HSH2D: variants seen among roughly 807,000 people sequenced by gnomAD.
The protein encoded by HSH2D is hematopoietic SH2 domain containing, also known as hematopoietic SH2 domain-containing protein.
A neutral mutation model predicts 21.5 loss-of-function variants in HSH2D; 16 were observed. The ratio of observed to expected loss-of-function variants is 0.74; its 90% CI spans 0.50 to 1.13. HSH2D has a LOEUF of 1.13. Ranked by LOEUF, HSH2D falls within the 50% of genes most tolerant of loss-of-function variation. HSH2D has a pLI of 0.00. For synonymous variants in HSH2D, 172 were observed against 184.7 expected (o/e 0.93, Z 0.56); for missense variants, 418 against 441.4 (o/e 0.95, Z 0.47).
exon 1 of HSH2D, chr19:16,134,062 C>T (rs1265397496): frequency 6.6e-6 from 1 of 152,348 alleles, no homozygotes; most frequent in Non-Finnish European, 1.5e-5. Flanking sequence ...TCCAGTCATT[C>T]CCTAGGACTT....
Position 16,157,118 on chromosome 19 carries a change from G to A in HSH2D, c.475-92G>A. The A allele has an allele frequency of 1.9e-6, 2 of 1,039,958 alleles. No individual in the cohort carries two copies. The highest frequency in any genetic ancestry group is 1.4e-6 in the Non-Finnish European group (1 of 725,768). 64.4% of individuals were successfully genotyped at this position (1,039,958 alleles called of 1,614,324 possible). ...CACGGGGACGTTTCTCAGCCACAGG[G>A]TGTCTGGGTGGAACCCAGGCTCCAA... On this transcript the variant is annotated intron_variant, in intron 5 of 5. Coordinates refer to ENST00000613986, the MANE Select transcript of HSH2D (RefSeq NM_001382417.1). The surrounding 1 kb of genome is among the most constrained non-coding windows in gnomAD (Gnocchi z 4.4).
intron 2 of HSH2D, 88 bp from the exon 3 acceptor site, chr19:16,152,464 T>C: frequency 1.5e-6 from 1 of 666,890 alleles, no homozygotes; most frequent in Non-Finnish European, 2.3e-6. Context: ...ACCAGCCTTC[T>C]CCATGAATGA....
chr19:16,141,758 T>G (rs926188758), upstream of HSH2D, among the ~76,000 whole-genome samples: 4 of 151,622 alleles, frequency 2.6e-5, no homozygotes, highest in Non-Finnish European at 5.9e-5. Context: ...ACCTTGTCTC[T>G]ACTAAAAATA....
intron 1 of HSH2D, among the ~76,000 whole-genome samples, chr19:16,144,778 T>C (rs899269370): frequency 4.2e-5 from 6 of 143,640 alleles, no homozygotes; most frequent in Non-Finnish European, 6.0e-5. Flanking sequence ...CTGCAAGCTC[T>C]GCCTCCCGAG....
chr19:16,154,340 T>A lies in HSH2D; in HGVS notation c.382-59T>A, dbSNP rs1365446844. ...GGTCCCTGAGACCTGCCTTCCAGGG[T>A]CCGTGCAGGACCTTTCCCCCTCCCT... On this transcript the variant is annotated intron_variant, in intron 4 of 5. Coordinates refer to ENST00000613986, the MANE Select transcript of HSH2D (RefSeq NM_001382417.1). The A allele has an allele frequency of 6.9e-6, 8 of 1,157,732 alleles. No homozygotes were observed. The Admixed American group carries it at 1.9e-4, about 27-fold the overall frequency. The allele number at this position is 1,157,732 out of a possible 1,614,324, so 71.7% of individuals were successfully genotyped here.
chr19:16,135,420 C>A (rs1466740580), intron 1 of HSH2D, among the ~76,000 whole-genome samples: 1 of 151,898 alleles, frequency 6.6e-6, no homozygotes, highest in Non-Finnish European at 1.5e-5. Flanking sequence ...CAGAGCAAGA[C>A]CCTTTCTCAA....
intron 5 of HSH2D, 88 bp downstream of exon 5, chr19:16,154,579 T>A: frequency 1.4e-6 from 1 of 740,070 alleles, no homozygotes; most frequent in Non-Finnish European, 2.2e-6. Flanking sequence ...AGGCTCCTTC[T>A]AGAATGAGAA....
chr19:16,156,448 C>A (rs1386707307), intron 5 of HSH2D, among the ~76,000 whole-genome samples: 2 of 152,014 alleles, frequency 1.3e-5, no homozygotes, highest in African/African-American at 2.4e-5. Context: ...CCTTCCAAAG[C>A]ACTGGGATTA....
rs953231743 is a variant in HSH2D at position 16,157,914 on chromosome 19, A to G, written c.*120A>G. The stretch of plus-strand genomic sequence containing the variant: ...CCGGGGGTCTTCGGGAACCCGGGAA[A>G]TGGAATAAAGATGTTTTTGGGGTCT... On this transcript the variant is annotated 3_prime_UTR_variant, in exon 6 of 6. Transcript: ENST00000613986. The surrounding 1 kb of genome is among the most constrained non-coding windows in gnomAD (Gnocchi z 4.4). 9 of 713,828 alleles carry G rather than the reference A, an allele frequency of 1.3e-5. No individual in the cohort carries two copies. The Admixed American group carries it at 2.6e-4, about 21-fold the overall frequency. 44.2% of individuals were successfully genotyped at this position (713,828 alleles called of 1,614,324 possible).
Position 16,148,842 on chromosome 19 carries a change from T to C in HSH2D, c.92T>C (p.Val31Ala), listed in dbSNP as rs754366493. ...TQMGQLAQDGVPEWFHGAISR... is the reference protein window; with the variant it reads ...TQMGQLAQDGAPEWFHGAISR... ...ATGGGCCAGCTGGCCCAAGACGGGG[T>C]CCCCGAGTGGTTCCATGGTGCAATC... Residue 31 changes from valine (V) to alanine (A), a missense_variant, in exon 2 of 6, where the codon GTC becomes GCC. Val to Ala is a moderately conservative substitution (Grantham distance 64, BLOSUM62 0). Coordinates refer to ENST00000613986, the MANE Select transcript of HSH2D (RefSeq NM_001382417.1). The C allele has an allele frequency of 6.2e-7, 1 of 1,613,288 alleles. No homozygotes were observed. The highest frequency in any genetic ancestry group is 2.2e-5 in the East Asian group (1 of 44,862).
Position 16,148,743 on chromosome 19 carries a change from A to T in HSH2D, c.-8A>T, listed in dbSNP as rs1235935059. 6.2e-7 allele frequency: 1 copy of T among 1,613,870 alleles called. No homozygotes were observed. The highest frequency in any genetic ancestry group is 1.1e-5 in the South Asian group (1 of 91,074). On this transcript the variant is annotated 5_prime_UTR_variant, in exon 2 of 6. Coordinates refer to ENST00000613986, the MANE Select transcript of HSH2D (RefSeq NM_001382417.1). ...ACCCAGGTGACCTTCCCTCCACCCC[A>T]GGAAGCTATGACAGAGGCCGGGAAG...
At chr19:16,151,469 T>C (rs561453514) in intron 2 of HSH2D, 12 of 453,472 alleles carry the variant, frequency 2.6e-5, no homozygotes, top group African/African-American at 2.0e-4. Context: ...TGGAGTTTAC[T>C]CTCCCCTTGA....
At chr19:16,153,282 G>A (rs910712784) in intron 4 of HSH2D, 74 bp downstream of exon 4, 74 of 1,316,974 alleles carry the variant, frequency 5.6e-5, no homozygotes, top group Middle Eastern at 2.7e-4. Flanking sequence ...TGTTTCCCAC[G>A]CCCCCATCAG....
At chr19:16,156,852 G>A (rs1314656533) in intron 5 of HSH2D, among the ~76,000 whole-genome samples, 2 of 152,142 alleles carry the variant, frequency 1.3e-5, no homozygotes, top group African/African-American at 2.4e-5. Context: ...GCCAGGCGTG[G>A]TGGTGTGCTT....
At chr19:16,143,291 C>G (rs1280976779), upstream of HSH2D, among the ~76,000 whole-genome samples, 10 of 152,178 alleles carry the variant, frequency 6.6e-5, no homozygotes, top group South Asian at 1.0e-3. Context: ...GCCATGTTTG[C>G]CAGGCTGGTC....
chr19:16,144,265 G>A (rs2091033395), intron 1 of HSH2D, among the ~76,000 whole-genome samples: 1 of 152,010 alleles, frequency 6.6e-6, no homozygotes, highest in South Asian at 2.1e-4. Context: ...GACAGAGCAA[G>A]ATAAAGACAC....
At chr19:16,152,917 G>A in intron 3 of HSH2D, 126 bp from the exon 4 acceptor site, 1 of 1,154,286 alleles carries the variant, frequency 8.7e-7, no homozygotes, top group East Asian at 2.6e-5. Flanking sequence ...GCCAGTGAGT[G>A]AAGAAGCCTG....
At chr19:16,134,688 G>C (rs1416449416) in intron 1 of HSH2D, among the ~76,000 whole-genome samples, 2 of 152,158 alleles carry the variant, frequency 1.3e-5, no homozygotes, top group African/African-American at 2.4e-5. Context: ...GCCCACAGCT[G>C]ACCCCTCCCG....
At chr19:16,149,497 C>T (rs1364574204) in intron 2 of HSH2D, among the ~76,000 whole-genome samples, 2 of 151,904 alleles carry the variant, frequency 1.3e-5, no homozygotes, top group African/African-American at 2.4e-5. Flanking sequence ...GCCACCGCAC[C>T]CGGCCAGAAT....
Sources: allele counts gnomAD v4.1 joint callset (sites outside exome capture counted in the v4.1 genomes callset), GRCh38; gene constraint gnomAD v4.1.1; non-coding constraint Gnocchi (gnomAD v3.1); transcripts MANE v1.5; gene names NCBI Gene and HGNC (gene_info 2026-07-23, HGNC 2026-07-21).